The following KCND2 variants were observed in gnomAD, a reference collection of about 807,000 sequenced individuals.
KCND2 encodes A-type voltage-gated potassium channel KCND2.
Under a neutral mutation model 54.4 loss-of-function variants are expected in KCND2, and 16 were observed. The ratio of observed to expected loss-of-function variants is 0.29; its 90% confidence interval spans 0.20 to 0.45. KCND2 has a LOEUF of 0.45. Among genes scored for constraint, KCND2 ranks in the 20% least tolerant of loss-of-function variants. KCND2 has a pLI of 1.00. For missense variants in KCND2, 486 were observed against 824.2 expected (o/e 0.59, Z 5.02); for synonymous variants, 317 against 310.7 (o/e 1.02, Z -0.21).
At chr7:120,469,016 T>TAC (rs3067129) in intron 1 of KCND2, among the ~76,000 whole-genome samples, 3,385 of 150,044 alleles carry the variant, frequency 0.023, 76 homozygotes, top group African/African-American at 0.048. Context: ...ATGGTGTGGA[T>TAC]ACACACACAC....
At chr7:120,738,696 C>T (rs1303936980) in intron 2 of KCND2, among the ~76,000 whole-genome samples, 1 of 151,982 alleles carries the variant, frequency 6.6e-6, no homozygotes, top group East Asian at 1.9e-4. Flanking sequence ...GGGTAAGAGA[C>T]TGAAAGGAAT....
intron 1 of KCND2, among the ~76,000 whole-genome samples, chr7:120,628,713 T>C (rs553419434): frequency 1.3e-5 from 2 of 152,306 alleles, no homozygotes; most frequent in African/African-American, 2.4e-5. Flanking sequence ...CTAGAGGCTA[T>C]TGAAGGATCC....
intron 1 of KCND2, among the ~76,000 whole-genome samples, chr7:120,646,715 C>T (rs1019976359): frequency 1.3e-5 from 2 of 152,170 alleles, no homozygotes; most frequent in Non-Finnish European, 2.9e-5. Context: ...AATAGATATC[C>T]TACTAGTGGG....
chr7:120,616,683 A>C (rs1221714582), intron 1 of KCND2, among the ~76,000 whole-genome samples: 1 of 152,194 alleles, frequency 6.6e-6, no homozygotes, highest in Non-Finnish European at 1.5e-5. Context: ...TCTGAAATTT[A>C]GTAAATAAAG....
chr7:120,568,640 T>C lies in KCND2; in HGVS notation c.1116-164263T>C, dbSNP rs117513498. 9.2e-5 allele frequency among the ~76,000 whole-genome samples: 14 copies of C among 152,222 alleles called. No individual in the cohort carries two copies. In the East Asian group the frequency reaches 2.7e-3, roughly 29 times the overall value. Reference sequence around the variant, plus strand: ...CTTGCCTTTGTGTTGGGAAATGGATTAGTGCATGGGTTCTGAGCCAGACTG... The same window carrying C: ...CTTGCCTTTGTGTTGGGAAATGGATCAGTGCATGGGTTCTGAGCCAGACTG... On this transcript the variant is annotated intron_variant, in intron 1 of 5. Coordinates refer to ENST00000331113, the MANE Select transcript of KCND2 (RefSeq NM_012281.3).
intron 1 of KCND2, among the ~76,000 whole-genome samples, chr7:120,509,679 A>T (rs1461802655): frequency 6.6e-6 from 1 of 151,508 alleles, no homozygotes; most frequent in Non-Finnish European, 1.5e-5. Flanking sequence ...GTGCCATGAG[A>T]TATTAAGTTG....
chr7:120,686,750 C>T (rs1265447950), intron 1 of KCND2, among the ~76,000 whole-genome samples: 2 of 152,056 alleles, frequency 1.3e-5, no homozygotes, highest in African/African-American at 4.8e-5. Flanking sequence ...CCATGCTCAC[C>T]TGAGGCATTC....
chr7:120,321,076 A>G (rs1169112711), intron 1 of KCND2, among the ~76,000 whole-genome samples: 1 of 152,038 alleles, frequency 6.6e-6, no homozygotes, highest in African/African-American at 2.4e-5. Flanking sequence ...TCCTGTATGT[A>G]TGCATTTGTA....
chr7:120,327,152 G>A (rs920843131), intron 1 of KCND2, among the ~76,000 whole-genome samples: 1 of 152,098 alleles, frequency 6.6e-6, no homozygotes. Flanking sequence ...TTTAAACATG[G>A]ACTCTATTTC....
intron 1 of KCND2, among the ~76,000 whole-genome samples, chr7:120,552,516 AGTGTTTTT>A (rs1225238645): frequency 6.6e-6 from 1 of 152,200 alleles, no homozygotes; most frequent in Admixed American, 6.5e-5. Context: ...GAAAAACCTG[AGTGTTTTT>A]GTGCTAAGTT....
At chr7:120,309,401 A>G (rs940740030) in intron 1 of KCND2, among the ~76,000 whole-genome samples, 1 of 147,556 alleles carries the variant, frequency 6.8e-6, no homozygotes, top group Non-Finnish European at 1.5e-5. Context: ...AAAGAAAGCA[A>G]TGTGCATGAG....
At chr7:120,639,036 A>G (rs1341895988) in intron 1 of KCND2, among the ~76,000 whole-genome samples, 6 of 152,296 alleles carry the variant, frequency 3.9e-5, no homozygotes, top group African/African-American at 9.6e-5. Flanking sequence ...AAACAAATTT[A>G]TAGAATGGTT....
At chr7:120,692,027 G>A (rs1311014888) in intron 1 of KCND2, among the ~76,000 whole-genome samples, 4 of 152,154 alleles carry the variant, frequency 2.6e-5, no homozygotes. Context: ...ACCTTTAAAG[G>A]AGCAGTTTTG....
intron 3 of KCND2, 74 bp from the exon 4 acceptor site, chr7:120,742,436 T>C: frequency 3.4e-6 from 4 of 1,178,104 alleles, no homozygotes; most frequent in Non-Finnish European, 5.1e-6. Context: ...GATCTCTCTG[T>C]GGAAATATGT....
At chr7:120,631,488 C>G (rs910101924) in intron 1 of KCND2, among the ~76,000 whole-genome samples, 6 of 152,028 alleles carry the variant, frequency 3.9e-5, no homozygotes. Flanking sequence ...TTTGTATGAG[C>G]ATTTTTCACT....
chr7:120,652,762 CCAATG>C (rs1288626772), intron 1 of KCND2, among the ~76,000 whole-genome samples: 6 of 152,098 alleles, frequency 3.9e-5, no homozygotes, highest in African/African-American at 1.4e-4. Context: ...CTTGTTCATC[CCAATG>C]CTAATTTTAG....
chr7:120,292,276 A>G (rs1799446403), intron 1 of KCND2, among the ~76,000 whole-genome samples: 1 of 151,858 alleles, frequency 6.6e-6, no homozygotes, highest in Non-Finnish European at 1.5e-5. Context: ...TGATTTAAAT[A>G]TTACTTTTTA....
chr7:120,612,442 A>T (rs142909929), intron 1 of KCND2, among the ~76,000 whole-genome samples: 115 of 152,366 alleles, frequency 7.5e-4, no homozygotes, highest in Middle Eastern at 6.8e-3. Flanking sequence ...TGTTTTGCTT[A>T]GGTACTAAAT....
intron 1 of KCND2, among the ~76,000 whole-genome samples, chr7:120,462,303 G>T (rs1053435487): frequency 6.6e-6 from 1 of 151,650 alleles, no homozygotes; most frequent in African/African-American, 2.4e-5. Flanking sequence ...TATAGGCAAG[G>T]TTATTAAACT....
Sources: allele counts gnomAD v4.1 joint callset (sites outside exome capture counted in the v4.1 genomes callset), GRCh38; gene constraint gnomAD v4.1.1; transcripts MANE v1.5; gene names NCBI Gene and HGNC (gene_info 2026-07-23, HGNC 2026-07-21).